The following CCDC192 variants were observed in gnomAD, a reference collection of about 807,000 sequenced individuals.
The protein encoded by CCDC192 is coiled-coil domain-containing protein 192.
intron 6 of CCDC192, among the ~76,000 whole-genome samples, chr5:127,920,304 C>G (rs1015254438): frequency 6.6e-6 from 1 of 151,386 alleles, no homozygotes; most frequent in African/African-American, 2.4e-5. Flanking sequence ...AAATATAAAC[C>G]CAAGAATTAA....
intron 6 of CCDC192, among the ~76,000 whole-genome samples, chr5:127,925,322 G>A (rs1753834577): frequency 7.6e-6 from 1 of 131,748 alleles, no homozygotes. Context: ...TATAACTTTT[G>A]AATTATCTTT....
chr5:127,737,221 T>C (rs1753069756), intron 2 of CCDC192, among the ~76,000 whole-genome samples: 1 of 152,114 alleles, frequency 6.6e-6, no homozygotes, highest in South Asian at 2.1e-4. Flanking sequence ...TTGTTCAGTT[T>C]CCATGTAGTT....
At chr5:127,841,220 C>G (rs993335604) in intron 5 of CCDC192, among the ~76,000 whole-genome samples, 1 of 152,164 alleles carries the variant, frequency 6.6e-6, no homozygotes, top group African/African-American at 2.4e-5. Flanking sequence ...CCGAAATACA[C>G]TTTTAGCTTA....
intron 5 of CCDC192, among the ~76,000 whole-genome samples, chr5:127,846,615 G>A (rs1185820427): frequency 2.0e-5 from 3 of 151,486 alleles, no homozygotes; most frequent in African/African-American, 7.3e-5. Flanking sequence ...GATTACAGGC[G>A]CTCACCACCA....
Position 127,880,459 on chromosome 5 carries a change from G to C in CCDC192, c.535+4798G>C, listed in dbSNP as rs200979980. On this transcript the variant is annotated intron_variant, in intron 6 of 6. Transcript: ENST00000514853. ...ACACTCTGGGGACTGTGGTGGGGTG[G>C]GGGGAGGGGGGAGGGATAGCACTGG... Among the ~76,000 whole-genome samples, 2 of 112,574 alleles carry C rather than the reference G, an allele frequency of 1.8e-5. 1 individual carries two copies. Among genetic ancestry groups the C allele is most frequent in the African/African-American group, 6.7e-5 (2 of 29,876 alleles). The allele number at this position is 112,574 out of a possible 152,430, so 73.9% of individuals were successfully genotyped here. A position where few individuals can be genotyped will look rare whatever the true frequency, so the allele number is the denominator to read the frequency against.
chr5:127,939,087 A>T (rs1052444185), intron 6 of CCDC192, among the ~76,000 whole-genome samples: 1 of 128,272 alleles, frequency 7.8e-6, no homozygotes, highest in African/African-American at 2.8e-5. Context: ...TTGTTAACTT[A>T]TGAAAGGCAC....
intron 6 of CCDC192, among the ~76,000 whole-genome samples, chr5:127,914,563 G>C (rs1213651306): frequency 6.6e-6 from 1 of 152,112 alleles, no homozygotes; most frequent in Non-Finnish European, 1.5e-5. Context: ...TTAAAAAATA[G>C]AACTATGAGA....
chr5:127,713,094 C>T (rs1751431363), intron 2 of CCDC192, among the ~76,000 whole-genome samples: 1 of 151,996 alleles, frequency 6.6e-6, no homozygotes, highest in Non-Finnish European at 1.5e-5. Flanking sequence ...ATTAGCCGGG[C>T]ATGGTGGTGC....
intron 2 of CCDC192, among the ~76,000 whole-genome samples, chr5:127,733,381 C>G (rs1374705195): frequency 6.6e-6 from 1 of 152,130 alleles, no homozygotes; most frequent in African/African-American, 2.4e-5. Flanking sequence ...CCCATTTCAT[C>G]ATCACAGCAA....
intron 3 of CCDC192, among the ~76,000 whole-genome samples, chr5:127,794,129 CA>C (rs1757033069): frequency 6.6e-6 from 1 of 152,160 alleles, no homozygotes; most frequent in South Asian, 2.1e-4. Context: ...GTGAGTAACC[CA>C]AATTAGGTCA....
chr5:127,797,765 ATATATATATATATTTATT>A (rs1757254097), intron 4 of CCDC192, among the ~76,000 whole-genome samples: 2 of 7,472 alleles, frequency 2.7e-4, no homozygotes, highest in Admixed American at 5.4e-3. Context: ...ATATATATAT[ATATATATATATATTTATT>A]TATTTATTTA....
chr5:127,717,940 A>AG (rs1179498714), intron 2 of CCDC192, among the ~76,000 whole-genome samples: 2 of 151,234 alleles, frequency 1.3e-5, no homozygotes, highest in East Asian at 1.9e-4. Flanking sequence ...AAAAAAAAAA[A>AG]AAAAAGAAAA....
chr5:127,758,418 C>T (rs1343380216), intron 3 of CCDC192, among the ~76,000 whole-genome samples: 7 of 152,178 alleles, frequency 4.6e-5, no homozygotes, highest in Admixed American at 4.6e-4. Context: ...GCAGCCAAGT[C>T]ACTAATGTCA....
intron 2 of CCDC192, among the ~76,000 whole-genome samples, chr5:127,725,020 AAT>A (rs1170277757): frequency 6.6e-6 from 1 of 152,186 alleles, no homozygotes; most frequent in Non-Finnish European, 1.5e-5. Context: ...ATAAAGGCAT[AAT>A]AGAAAAACTG....
intron 2 of CCDC192, among the ~76,000 whole-genome samples, chr5:127,728,905 T>C (rs760911066): frequency 1.3e-5 from 2 of 152,086 alleles, no homozygotes; most frequent in South Asian, 2.1e-4. Flanking sequence ...TCCTAGTTTC[T>C]TTTTTTCTTT....
intron 3 of CCDC192, among the ~76,000 whole-genome samples, chr5:127,768,164 A>G (rs1327098139): frequency 5.9e-5 from 9 of 152,144 alleles, no homozygotes. Flanking sequence ...AGGCAGGAGA[A>G]TCGCTTGAAC....
chr5:127,887,762 G>A (rs1752611184), intron 6 of CCDC192, among the ~76,000 whole-genome samples: 2 of 149,368 alleles, frequency 1.3e-5, no homozygotes, highest in South Asian at 4.2e-4. Context: ...GGAGTGCAGT[G>A]GCACGATCTC....
At chr5:127,715,708 T>C (rs1049427215) in intron 2 of CCDC192, among the ~76,000 whole-genome samples, 1 of 152,214 alleles carries the variant, frequency 6.6e-6, no homozygotes, top group African/African-American at 2.4e-5. Flanking sequence ...TATATGTCCA[T>C]GAACATGAGA....
intron 2 of CCDC192, among the ~76,000 whole-genome samples, chr5:127,747,930 C>A (rs1314959938): frequency 1.2e-3 from 170 of 140,438 alleles, no homozygotes; most frequent in Admixed American, 3.2e-3. Context: ...TGTTCATGTC[C>A]TTTGCCCACT....
Sources: allele counts gnomAD v4.1 joint callset (sites outside exome capture counted in the v4.1 genomes callset), GRCh38; gene constraint gnomAD v4.1.1; transcripts MANE v1.5; gene names NCBI Gene and HGNC (gene_info 2026-07-23, HGNC 2026-07-21).